The following KLKB1 variants were observed in gnomAD, a reference collection of about 807,000 sequenced individuals.
The protein encoded by KLKB1 is plasma kallikrein.
KLKB1 carries 58 observed loss-of-function variants against 73.6 expected under a neutral mutation model. The observed-to-expected ratio is 0.79, with a 90% CI of 0.64 to 0.98. KLKB1 has a LOEUF of 0.98. Among genes scored for constraint, KLKB1 ranks in the 50% least tolerant of loss-of-function variants. The pLI, the probability that KLKB1 is intolerant of heterozygous loss-of-function variation, is 0.00. For synonymous variants in KLKB1, 280 were observed against 258.1 expected, an observed-to-expected ratio of 1.08 and a Z score of -0.81; for missense variants, 737 against 763.8, an observed-to-expected ratio of 0.96 and a Z score of 0.41.
At chr4:186,238,215 A>G (rs1225247923) in intron 5 of KLKB1, 41 bp from the exon 6 acceptor site, 4 of 1,322,482 alleles carry the variant, frequency 3.0e-6, no homozygotes, top group Non-Finnish European at 4.4e-6. Flanking sequence ...CCTGCCCCTC[A>G]AAGTGCAGAA....
chr4:186,238,736 G>A (rs954740434), intron 6 of KLKB1, among the ~76,000 whole-genome samples: 5 of 152,194 alleles, frequency 3.3e-5, no homozygotes, highest in Admixed American at 6.5e-5. Flanking sequence ...CCTGTGGAGC[G>A]TCCTGGAGGA....
rs1348528393 is a variant in KLKB1, at chr4:186,251,240, A to G, written c.780A>G (p.Thr260=). Residue 260 remains threonine (T), a synonymous_variant, in exon 8 of 15, where the codon ACA becomes ACG. Coordinates refer to ENST00000264690, the MANE Select transcript of KLKB1 (RefSeq NM_000892.5). ...ATAGAAATGTTTGTCTTCTTAAAAC[A>G]TCTGAAAGTGGCACACCAAGTTCCT... The part of the protein sequence containing the change: ...ESQRNVCLLK[T]SESGTPSSST... The G allele has an allele frequency of 3.1e-6, 5 of 1,608,254 alleles. No individual in the cohort carries two copies. The highest frequency in any genetic ancestry group is 1.3e-5 in the African/African-American group (1 of 74,864).
At chr4:186,215,238 T>G (rs1736858692) in intron 2 of KLKB1, among the ~76,000 whole-genome samples, 2 of 148,692 alleles carry the variant, frequency 1.3e-5, no homozygotes, top group South Asian at 4.2e-4. Context: ...ATGTTTTAGC[T>G]GAATAGTAAA....
At chr4:186,238,231 A>C in intron 5 of KLKB1, 25 bp from the exon 6 acceptor site, 1 of 1,501,948 alleles carries the variant, frequency 6.7e-7, no homozygotes, top group Non-Finnish European at 9.3e-7. Context: ...CAGAAAGCAA[A>C]GTAACCTCTT....
chr4:186,250,540 A>G, intron 7 of KLKB1, 138 bp downstream of exon 7: 1 of 922,570 alleles, frequency 1.1e-6, no homozygotes, highest in Non-Finnish European at 1.7e-6. Context: ...CTGCAGTTTC[A>G]GTAGGTACTG....
In KLKB1 at chr4:186,228,202, T is replaced by A. The variant is rs1737236588; in HGVS notation, c.7T>A (p.Leu3Ile). The part of the protein sequence containing the change: MI[L>I]FKQATYFISL... ...TATTGTTTTCTTTTTTAGAATGATTTTATTCAAGCAAGCAACTTATTTCAT... is the reference window on the plus strand; with the variant it reads ...TATTGTTTTCTTTTTTAGAATGATTATATTCAAGCAAGCAACTTATTTCAT... The change falls in exon 2 of 15, where the codon TTA becomes ATA. Residue 3 changes from leucine to isoleucine, a missense_variant. Leu to Ile is a conservative substitution (Grantham distance 5). Transcript: ENST00000264690. 1.3e-6 allele frequency: 2 copies of A among 1,563,474 alleles called. No homozygotes were observed. Among genetic ancestry groups the A allele is most frequent in the Non-Finnish European group, 8.8e-7 (1 of 1,134,244 alleles).
At chr4:186,215,309 C>CCTTTCTTTCT (rs559273362) in intron 2 of KLKB1, among the ~76,000 whole-genome samples, 12,010 of 142,256 alleles carry the variant, frequency 0.084, 997 homozygotes, top group African/African-American at 0.16. Context: ...AGGAGAGTAG[C>CCTTTCTTTCT]CTTTCTTTCT....
intron 7 of KLKB1, 22 bp from the exon 8 acceptor site, chr4:186,251,197 T>G (rs1342857956): frequency 6.7e-7 from 1 of 1,486,412 alleles, no homozygotes; most frequent in Non-Finnish European, 9.3e-7. Flanking sequence ...CTTTCTCTCT[T>G]GCTTTTTTTT....
chr4:186,216,092 T>C (rs904381827), intron 2 of KLKB1, among the ~76,000 whole-genome samples: 2 of 152,228 alleles, frequency 1.3e-5, no homozygotes, highest in African/African-American at 4.8e-5. Context: ...ACAATCATTT[T>C]CAGTGTCATC....
At chr4:186,247,458 A>G (rs1738416249) in intron 6 of KLKB1, among the ~76,000 whole-genome samples, 1 of 152,062 alleles carries the variant, frequency 6.6e-6, no homozygotes, top group Non-Finnish European at 1.5e-5. Context: ...GAGCCAGGAG[A>G]AGGAATTTCA....
intron 1 of KLKB1, 22 bp from the exon 2 acceptor site, chr4:186,228,173 T>G: frequency 7.6e-7 from 1 of 1,324,296 alleles, no homozygotes; most frequent in Non-Finnish European, 1.1e-6. Flanking sequence ...CCAGCAGAGT[T>G]ATGTATTGTT....
rs938703817 is a variant in KLKB1 at position 186,251,828 on chromosome 4, T to C, written c.1111T>C (p.Ser371Pro). The C allele has an allele frequency of 1.2e-6, 2 of 1,613,814 alleles. No homozygotes were observed. The highest frequency in any genetic ancestry group is 1.1e-5 in the South Asian group (1 of 91,086). ...TGGGACACAAGGGAGCTCTGGTTAC[T>C]CTTTGAGATTGTGTAACACTGGGGA... ...AYGTQGSSGY[S>P]LRLCNTGDNS... The change falls in exon 10 of 15, where the codon TCT becomes CCT. Residue 371 changes from serine to proline, a missense_variant. Ser to Pro is a moderately conservative substitution (Grantham distance 74). Transcript: ENST00000264690.
At chr4:186,245,368 G>A (rs1738275240) in intron 6 of KLKB1, among the ~76,000 whole-genome samples, 1 of 152,220 alleles carries the variant, frequency 6.6e-6, no homozygotes, top group African/African-American at 2.4e-5. Flanking sequence ...GGCAGCGTCA[G>A]TCTTCAGCCG....
chr4:186,251,267 T>C lies in KLKB1; in HGVS notation c.807T>C (p.Ser269=). 1 of 1,612,636 alleles carries C rather than the reference T, an allele frequency of 6.2e-7. No homozygotes were observed. Among genetic ancestry groups the C allele is most frequent in the South Asian group, 1.1e-5 (1 of 90,950 alleles). ...CTGAAAGTGGCACACCAAGTTCCTC[T>C]ACTCCTCAAGAAAACACCATATCTG... The part of the protein sequence containing the change: ...KTSESGTPSS[S]TPQENTISGY... Residue 269 remains serine (S), a synonymous_variant, in exon 8 of 15, where the codon TCT becomes TCC. Transcript: ENST00000264690.
At chr4:186,247,105 G>T (rs879730448) in intron 6 of KLKB1, among the ~76,000 whole-genome samples, 4 of 152,188 alleles carry the variant, frequency 2.6e-5, no homozygotes, top group Non-Finnish European at 4.4e-5. Context: ...CCTTGGGCTT[G>T]TTGGTCTGAG....
At chr4:186,253,322 T>C (rs1738810472) in intron 11 of KLKB1, among the ~76,000 whole-genome samples, 1 of 152,222 alleles carries the variant, frequency 6.6e-6, no homozygotes, top group South Asian at 2.1e-4. Flanking sequence ...ACATGCTGTA[T>C]ACTAGGATTG....
chr4:186,236,485 A>G (rs1737697818), intron 4 of KLKB1, among the ~76,000 whole-genome samples: 1 of 152,208 alleles, frequency 6.6e-6, no homozygotes. Flanking sequence ...CCCACTGCTC[A>G]TTGATAATTT....
upstream of KLKB1, among the ~76,000 whole-genome samples, chr4:186,226,945 C>T (rs1737187871): frequency 6.6e-6 from 1 of 151,994 alleles, no homozygotes; most frequent in Non-Finnish European, 1.5e-5. Flanking sequence ...AGCCTGAAGC[C>T]CCAGGGGCTG....
chr4:186,218,096 C>A (rs1320500647), intron 2 of KLKB1, among the ~76,000 whole-genome samples: 1 of 152,180 alleles, frequency 6.6e-6, no homozygotes, highest in Non-Finnish European at 1.5e-5. Flanking sequence ...TTCAATAAAA[C>A]TTTATTTACA....
Sources: allele counts gnomAD v4.1 joint callset (sites outside exome capture counted in the v4.1 genomes callset), GRCh38; gene constraint gnomAD v4.1.1; transcripts MANE v1.5; gene names NCBI Gene and HGNC (gene_info 2026-07-23, HGNC 2026-07-21).